The following DCC variants were observed in gnomAD, a reference collection of about 807,000 sequenced individuals.
DCC encodes netrin receptor DCC.
Under a neutral mutation model 172.5 loss-of-function variants are expected in DCC, and 58 were observed. The observed-to-expected ratio is 0.34, with a 90% CI of 0.27 to 0.42. The LOEUF (loss-of-function observed/expected upper bound fraction) is 0.42, where lower values mean the gene tolerates loss of function less well. Among genes scored for constraint, DCC ranks in the 10% least tolerant of loss-of-function variants. The probability of loss-of-function intolerance (pLI) is 1.00; values close to 1 mark genes in which losing one functional copy is unlikely to be tolerated. For synonymous variants in DCC, 709 were observed against 644.5 expected (o/e 1.10, Z -1.52); for missense variants, 1,740 against 1,791.0 (o/e 0.97, Z 0.51).
chr18:52,929,819 C>CACAG (rs2040277571), intron 5 of DCC, among the ~76,000 whole-genome samples: 1 of 5,722 alleles, frequency 1.7e-4, no homozygotes. Context: ...ACTTTGCAAA[C>CACAG]ACACACACAC....
At chr18:52,513,537 T>C (rs1438633511) in intron 1 of DCC, among the ~76,000 whole-genome samples, 1 of 152,222 alleles carries the variant, frequency 6.6e-6, no homozygotes, top group East Asian at 1.9e-4. Context: ...AGTATTTGTT[T>C]TCCTTCTAGA....
chr18:52,901,762 T>C (rs1331040841), intron 2 of DCC, among the ~76,000 whole-genome samples: 2 of 152,218 alleles, frequency 1.3e-5, no homozygotes, highest in Admixed American at 6.5e-5. Context: ...AATACTCTAT[T>C]TAAACATTTA....
At chr18:52,523,390 C>T (rs1598885846) in intron 1 of DCC, among the ~76,000 whole-genome samples, 1 of 152,190 alleles carries the variant, frequency 6.6e-6, no homozygotes, top group African/African-American at 2.4e-5. Context: ...CCTCTCAGTC[C>T]CTTTCTATTT....
rs951018226 is a variant in DCC, at chr18:53,016,398, A to G, written c.986-46907A>G. Among the ~76,000 whole-genome samples the G allele has an allele frequency of 4.6e-5, 7 of 152,128 alleles. No individual in the cohort carries two copies. In the East Asian group the frequency reaches 1.4e-3, roughly 29 times the overall value. ...ATGCCTTTGAACATAAGCATCATGC[A>G]TTTAGCTGAAATAAACAATGCATTT... On this transcript the variant is annotated intron_variant, in intron 5 of 28. Coordinates refer to ENST00000442544, the MANE Select transcript of DCC (RefSeq NM_005215.4).
intron 1 of DCC, among the ~76,000 whole-genome samples, chr18:52,647,593 C>G (rs2035042726): frequency 6.6e-6 from 1 of 152,178 alleles, no homozygotes; most frequent in Non-Finnish European, 1.5e-5. Context: ...GCAACAGCCA[C>G]TTGGAAACAC....
At chr18:52,773,810 T>C (rs1389371578) in intron 2 of DCC, among the ~76,000 whole-genome samples, 1 of 151,908 alleles carries the variant, frequency 6.6e-6, no homozygotes, top group African/African-American at 2.4e-5. Context: ...ATTACAGGGG[T>C]GAGCCACTGT....
At chr18:53,519,564 A>C (rs2144586545) in intron 27 of DCC, among the ~76,000 whole-genome samples, 1 of 150,196 alleles carries the variant, frequency 6.7e-6, no homozygotes, top group South Asian at 2.1e-4. Context: ...TTTGAAAATC[A>C]CTTTTCATAT....
At chr18:52,818,489 A>G (rs182186078) in intron 2 of DCC, among the ~76,000 whole-genome samples, 1 of 152,176 alleles carries the variant, frequency 6.6e-6, no homozygotes, top group Non-Finnish European at 1.5e-5. Context: ...GCATTTTGGC[A>G]ATTAGAGCCA....
chr18:52,391,140 C>A lies in DCC; in HGVS notation c.91+50262C>A, dbSNP rs573481192. ...TATTTCCATTTTGAAGATGAAGGAA[C>A]AGAAACTTGGTGTATAAACAGGCAC... On this transcript the variant is annotated intron_variant, in intron 1 of 28. Coordinates refer to ENST00000442544, the MANE Select transcript of DCC (RefSeq NM_005215.4). 2.0e-5 allele frequency among the ~76,000 whole-genome samples: 3 copies of A among 152,138 alleles called. No homozygotes were observed. The South Asian group carries it at 6.2e-4, about 32-fold the overall frequency.
intron 7 of DCC, among the ~76,000 whole-genome samples, chr18:53,135,187 G>A (rs770098683): frequency 4.6e-5 from 7 of 152,076 alleles, no homozygotes; most frequent in Non-Finnish European, 1.0e-4. Context: ...AAACTATGCC[G>A]CTCTCTTGGT....
intron 7 of DCC, among the ~76,000 whole-genome samples, chr18:53,092,094 AT>A (rs2043022278): frequency 6.6e-6 from 1 of 152,062 alleles, no homozygotes; most frequent in African/African-American, 2.4e-5. Flanking sequence ...TAACATGTTC[AT>A]TTTTTGTGTT....
intron 1 of DCC, among the ~76,000 whole-genome samples, chr18:52,399,519 C>T (rs1285610129): frequency 6.6e-6 from 1 of 151,946 alleles, no homozygotes; most frequent in African/African-American, 2.4e-5. Context: ...CTACCACATC[C>T]TTTATGATCC....
chr18:52,685,486 G>A (rs1282232489), intron 1 of DCC, among the ~76,000 whole-genome samples: 1 of 152,218 alleles, frequency 6.6e-6, no homozygotes, highest in East Asian at 1.9e-4. Context: ...TGGAAGGTGG[G>A]GCCTAGTGGG....
intron 9 of DCC, among the ~76,000 whole-genome samples, chr18:53,194,359 G>A (rs1366314453): frequency 2.0e-5 from 3 of 152,066 alleles, no homozygotes; most frequent in African/African-American, 4.8e-5. Context: ...AGGTTAAAAG[G>A]CTCCATTTAT....
At chr18:52,954,158 C>G (rs1479792476) in intron 5 of DCC, among the ~76,000 whole-genome samples, 1 of 152,172 alleles carries the variant, frequency 6.6e-6, no homozygotes, top group Non-Finnish European at 1.5e-5. Context: ...GGCATACTCT[C>G]TTCATAATCC....
At chr18:53,080,182 T>G (rs773179145) in intron 7 of DCC, among the ~76,000 whole-genome samples, 47 of 152,112 alleles carry the variant, frequency 3.1e-4, no homozygotes, top group Non-Finnish European at 3.2e-4. Context: ...TAGAAGGTCC[T>G]GACAGATTGG....
In DCC at chr18:53,261,168, C is replaced by T. The variant is rs943116186; in HGVS notation, c.1912-44410C>T. 4.6e-5 allele frequency among the ~76,000 whole-genome samples: 7 copies of T among 152,152 alleles called. 1 individual carries two copies. In the South Asian group the frequency reaches 6.2e-4, roughly 13 times the overall value. ...GCACTTCCCGGGTGAGGTGATGCCT[C>T]GCCCTGCTTTGGCTCACATTCAGTG... On this transcript the variant is annotated intron_variant, in intron 12 of 28. Transcript: ENST00000442544.
At chr18:52,802,531 G>T (rs539306859) in intron 2 of DCC, among the ~76,000 whole-genome samples, 2 of 149,256 alleles carry the variant, frequency 1.3e-5, no homozygotes, top group Non-Finnish European at 3.0e-5. Flanking sequence ...CTGCAGGGCA[G>T]TGGCATGAAC....
intron 1 of DCC, among the ~76,000 whole-genome samples, chr18:52,643,192 T>C (rs964809986): frequency 1.3e-5 from 2 of 152,158 alleles, no homozygotes; most frequent in African/African-American, 4.8e-5. Context: ...CAGTGTTTGG[T>C]TGTAATTTAA....
Sources: allele counts gnomAD v4.1 joint callset (sites outside exome capture counted in the v4.1 genomes callset), GRCh38; gene constraint gnomAD v4.1.1; transcripts MANE v1.5; gene names NCBI Gene and HGNC (gene_info 2026-07-23, HGNC 2026-07-21).